IGF2: variants seen among roughly 807,000 people sequenced by gnomAD.
IGF2 encodes the protein insulin like growth factor 2, also known as insulin-like growth factor 2.
In IGF2, 2 loss-of-function variants were observed where a neutral mutation model predicts 12.0. The ratio of observed to expected loss-of-function variants is 0.17; its 90% CI spans 0.07 to 0.52. IGF2 has a LOEUF of 0.52. Among genes scored for constraint, IGF2 ranks in the 20% least tolerant of loss-of-function variants. The probability of loss-of-function intolerance (pLI) is 0.95; values close to 1 mark genes in which losing one functional copy is unlikely to be tolerated. For missense variants in IGF2, 211 were observed against 268.0 expected, an observed-to-expected ratio of 0.79 and a Z score of 1.48; for synonymous variants, 105 against 110.1, an observed-to-expected ratio of 0.95 and a Z score of 0.29.
At chr11:2,136,372 G>A (rs1859051500) in intron 1 of IGF2, among the ~76,000 whole-genome samples, 1 of 152,236 alleles carries the variant, frequency 6.6e-6, no homozygotes, top group African/African-American at 2.4e-5. Flanking sequence ...CCCCGTGGGA[G>A]CTGGAGAGAC....
rs1174577529 is a variant in IGF2 at position 2,132,983 on chromosome 11, T to C, written c.*4A>G. On this transcript the variant is annotated 3_prime_UTR_variant, in exon 4 of 4. Transcript: ENST00000416167. ...GCCGGGCTGCAGACTTGCGGCAGTTTTGCTCACTTCCGATTGCTGGCCATC... is the reference window on the plus strand; with the variant it reads ...GCCGGGCTGCAGACTTGCGGCAGTTCTGCTCACTTCCGATTGCTGGCCATC... The C allele has an allele frequency of 1.3e-6, 2 of 1,502,132 alleles. No homozygotes were observed. The highest frequency in any genetic ancestry group is 2.3e-5 in the Admixed American group (1 of 43,538). 93.1% of individuals were successfully genotyped at this position (1,502,132 alleles called of 1,614,324 possible).
chr11:2,139,695 C>G (rs1039771413), upstream of IGF2, among the ~76,000 whole-genome samples: 15 of 151,656 alleles, frequency 9.9e-5, no homozygotes, highest in African/African-American at 3.6e-4. Flanking sequence ...ATTCAGGGGC[C>G]CCATCCCGGG....
chr11:2,138,208 C>A, intron 1 of IGF2, 21 bp downstream of exon 1: 1 of 984,484 alleles, frequency 1.0e-6, no homozygotes, highest in Non-Finnish European at 1.2e-6. Context: ...GGCCCCGGCC[C>A]GGCCCGCACA....
At position 2,133,149 on chromosome 11, in the gene IGF2, G is replaced by A. The variant is rs1065443; in HGVS notation, c.381C>T (p.Arg127=). The A allele has an allele frequency of 1.4e-4, 217 of 1,601,510 alleles. No homozygotes were observed. The highest frequency in any genetic ancestry group is 8.9e-4 in the Admixed American group (52 of 58,230). ...DTWKQSTQRL[R]RGLPALLRAR... is the part of the protein sequence containing the mutation. ...CACGCAGGAGGGCAGGCAGGCCCCT[G>A]CGCAGGCGCTGGGTGGACTGCTTCC... The change falls in exon 4 of 4, where the codon CGC becomes CGT. Residue 127 remains arginine, a synonymous_variant. Transcript: ENST00000416167. This position sits in a 1 kb window ranked among gnomAD's most constrained non-coding sequence, Gnocchi z 8.9.
upstream of IGF2, chr11:2,141,195 C>G (rs1452163295): frequency 2.6e-5 from 4 of 156,026 alleles, no homozygotes; most frequent in Non-Finnish European, 4.3e-5. Flanking sequence ...CAGAGAGGCC[C>G]GAAACCAGTG....
At chr11:2,140,085 G>C, upstream of IGF2, 2 of 1,579,768 alleles carry the variant, frequency 1.3e-6, no homozygotes, top group Non-Finnish European at 1.7e-6. Flanking sequence ...CGGAGGCTCC[G>C]GCCGCCAGAG....
chr11:2,135,004 A>G (rs1858897212), intron 2 of IGF2, among the ~76,000 whole-genome samples: 1 of 152,250 alleles, frequency 6.6e-6, no homozygotes, highest in South Asian at 2.1e-4. Context: ...AGGTGCAGGA[A>G]GAAAGGCAGG....
At chr11:2,143,508 C>A (rs913315087), upstream of IGF2, among the ~76,000 whole-genome samples, 1 of 152,096 alleles carries the variant, frequency 6.6e-6, no homozygotes, top group African/African-American at 2.4e-5. Context: ...TCCTGGGGAG[C>A]CAGGCAAATT....
chr11:2,144,952 TG>T (rs1859828129), upstream of IGF2, among the ~76,000 whole-genome samples: 1 of 152,066 alleles, frequency 6.6e-6, no homozygotes, highest in Non-Finnish European at 1.5e-5. Flanking sequence ...TGGACAGGTG[TG>T]GGGAGCTGGG....
chr11:2,138,018 C>A (rs3741213), intron 1 of IGF2, among the ~76,000 whole-genome samples: 50,446 of 151,754 alleles, frequency 0.33, 9,741 homozygotes, highest in Non-Finnish European at 0.43. Flanking sequence ...CCCCCAGCTC[C>A]GCCGCCAGGG....
At chr11:2,140,816 G>C (rs1018825214), upstream of IGF2, 1 of 317,320 alleles carries the variant, frequency 3.2e-6, no homozygotes, top group East Asian at 1.6e-4. Context: ...AGCCGGTCAG[G>C]GGCGCAGAGG....
At chr11:2,142,069 C>T (rs1220910041), upstream of IGF2, among the ~76,000 whole-genome samples, 5 of 152,074 alleles carry the variant, frequency 3.3e-5, no homozygotes, top group East Asian at 3.8e-4. The surrounding 1 kb of genome is among the most constrained non-coding windows in gnomAD (Gnocchi z 5.7). Context: ...ACTTATAGGT[C>T]GCAGGTTTTT....
At chr11:2,136,877 G>A (rs561829911) in intron 1 of IGF2, among the ~76,000 whole-genome samples, 1 of 152,370 alleles carries the variant, frequency 6.6e-6, no homozygotes, top group East Asian at 1.9e-4. Flanking sequence ...TTGGAGGTCC[G>A]GGTCAGGGGA....
chr11:2,140,803 G>T (rs753962437), upstream of IGF2: 6 of 311,384 alleles, frequency 1.9e-5, no homozygotes, highest in Non-Finnish European at 3.6e-5. Flanking sequence ...GATGCGGGCC[G>T]AGAGCCGGTC....
chr11:2,147,417 C>T, the IGF2 span: 7 of 407,150 alleles, frequency 1.7e-5, no homozygotes, highest in Admixed American at 1.3e-4. This position sits in a 1 kb window ranked among gnomAD's most constrained non-coding sequence, Gnocchi z 7.2. Context: ...GAGCCAACCA[C>T]GGAACTCCAG....
the IGF2 span, chr11:2,147,665 C>A: frequency 4.0e-6 from 5 of 1,250,234 alleles, no homozygotes; most frequent in East Asian, 3.0e-5. This position sits in a 1 kb window ranked among gnomAD's most constrained non-coding sequence, Gnocchi z 7.2. Flanking sequence ...CAGCTCACCT[C>A]AGGACTGGGC....
chr11:2,135,570 C>A (rs1232653734), intron 1 of IGF2, 41 bp from the exon 2 acceptor site: 1 of 1,584,700 alleles, frequency 6.3e-7, no homozygotes, highest in South Asian at 1.1e-5. Flanking sequence ...GGCAGCCAGG[C>A]CAAGCCCCAG....
chr11:2,132,924 G>C lies in IGF2; in HGVS notation c.*63C>G. ...TTTCGGGATGGAACCTGATGGAAAC[G>C]TCCGTGGTCAGGAGGAGGCTGCAGG... On this transcript the variant is annotated 3_prime_UTR_variant, in exon 4 of 4. Coordinates refer to ENST00000416167, the MANE Select transcript of IGF2 (RefSeq NM_000612.6). The C allele has an allele frequency of 5.3e-6, 6 of 1,141,384 alleles. No homozygotes were observed. Among genetic ancestry groups the C allele is most frequent in the Non-Finnish European group, 7.4e-6 (6 of 808,126 alleles). 70.7% of individuals were successfully genotyped at this position (1,141,384 alleles called of 1,614,324 possible).
upstream of IGF2, among the ~76,000 whole-genome samples, chr11:2,144,426 C>T (rs1429597965): frequency 6.6e-6 from 1 of 152,230 alleles, no homozygotes. Context: ...GCTTTGCGCG[C>T]GCCGTTCGGG....
Sources: allele counts gnomAD v4.1 joint callset (sites outside exome capture counted in the v4.1 genomes callset), GRCh38; gene constraint gnomAD v4.1.1; non-coding constraint Gnocchi (gnomAD v3.1); transcripts MANE v1.5; gene names NCBI Gene and HGNC (gene_info 2026-07-23, HGNC 2026-07-21).